Variants in STK10 observed in about 807,000 individuals in gnomAD.
The protein encoded by STK10 is serine/threonine-protein kinase 10.
STK10 carries 78 observed loss-of-function variants against 113.8 expected under a neutral mutation model. That is an observed-to-expected ratio of 0.69 (90% CI 0.57 to 0.83). The LOEUF is 0.83. Ranked by LOEUF, STK10 falls within the 40% of genes least tolerant of loss-of-function variation. The pLI, the probability that STK10 is intolerant of heterozygous loss-of-function variation, is 0.00. For synonymous variants in STK10, 465 were observed against 494.7 expected (o/e 0.94, Z 0.80); for missense variants, 1,109 against 1,280.1 (o/e 0.87, Z 2.04).
chr5:172,129,119 G>A (rs1769691294), intron 2 of STK10, among the ~76,000 whole-genome samples: 2 of 152,214 alleles, frequency 1.3e-5, no homozygotes, highest in South Asian at 4.1e-4. Context: ...GGCTGCTGAT[G>A]CTGTTGCTCT....
At chr5:172,149,694 C>T (rs1333195927) in intron 2 of STK10, among the ~76,000 whole-genome samples, 2 of 152,114 alleles carry the variant, frequency 1.3e-5, no homozygotes, top group African/African-American at 4.8e-5. Flanking sequence ...GACCACAGAT[C>T]CAGACTTCAG....
chr5:172,077,312 T>C (rs186547084), intron 12 of STK10, among the ~76,000 whole-genome samples: 4 of 152,216 alleles, frequency 2.6e-5, no homozygotes, highest in Non-Finnish European at 5.9e-5. Flanking sequence ...AACTATTTAA[T>C]AGCTAAATTC....
chr5:172,129,630 G>A (rs185474087), intron 2 of STK10, among the ~76,000 whole-genome samples: 1 of 152,228 alleles, frequency 6.6e-6, no homozygotes, highest in East Asian at 1.9e-4. Flanking sequence ...CAGTGGCAAG[G>A]GAACAGACAG....
intron 7 of STK10, among the ~76,000 whole-genome samples, chr5:172,099,520 G>T (rs576982757): frequency 6.6e-6 from 1 of 152,190 alleles, no homozygotes; most frequent in African/African-American, 2.4e-5. Flanking sequence ...CAGCCTGGGT[G>T]ACAAAGGGAG....
chr5:172,107,953 G>T, intron 4 of STK10, 101 bp from the exon 5 acceptor site: 1 of 936,154 alleles, frequency 1.1e-6, no homozygotes, highest in Non-Finnish European at 1.7e-6. Flanking sequence ...ACTAACAGAT[G>T]CCATTTTCTA....
intron 2 of STK10, among the ~76,000 whole-genome samples, chr5:172,138,391 G>T (rs1283370501): frequency 6.6e-6 from 1 of 151,978 alleles, no homozygotes; most frequent in South Asian, 2.1e-4. Flanking sequence ...CAAAGTGCTG[G>T]GATTACAGGC....
At chr5:172,155,497 C>CAA (rs59148440) in intron 2 of STK10, among the ~76,000 whole-genome samples, 3 of 92,760 alleles carry the variant, frequency 3.2e-5, no homozygotes, top group African/African-American at 7.7e-5. Context: ...GACTCCATCT[C>CAA]AAAAAAAAAA....
intron 18 of STK10, among the ~76,000 whole-genome samples, chr5:172,051,375 A>G (rs1767623857): frequency 6.6e-6 from 1 of 151,658 alleles, no homozygotes; most frequent in African/African-American, 2.4e-5. Context: ...CTGTAATCCC[A>G]GCACTTTGGG....
chr5:172,159,404 T>C, intron 1 of STK10, among the ~76,000 whole-genome samples: 1 of 152,030 alleles, frequency 6.6e-6, no homozygotes, highest in East Asian at 1.9e-4. Flanking sequence ...TAGCCAGGCA[T>C]GATGGCATGC....
chr5:172,167,320 A>G (rs1339943478), intron 1 of STK10, among the ~76,000 whole-genome samples: 1 of 152,228 alleles, frequency 6.6e-6, no homozygotes, highest in African/African-American at 2.4e-5. Flanking sequence ...ATAAACAAGA[A>G]GATAATACAG....
intron 2 of STK10, among the ~76,000 whole-genome samples, chr5:172,147,352 G>A (rs182741906): frequency 8.8e-4 from 134 of 151,934 alleles, no homozygotes; most frequent in African/African-American, 3.2e-3. Context: ...AAAAGTGCAC[G>A]GTCTAAACCC....
intron 4 of STK10, among the ~76,000 whole-genome samples, chr5:172,114,073 G>A (rs1007043513): frequency 2.0e-5 from 3 of 152,076 alleles, no homozygotes; most frequent in African/African-American, 7.2e-5. Flanking sequence ...CCATTTTACA[G>A]ATAAGGAAGC....
chr5:172,176,942 G>A (rs1395772218), intron 1 of STK10, among the ~76,000 whole-genome samples: 1 of 152,208 alleles, frequency 6.6e-6, no homozygotes, highest in Non-Finnish European at 1.5e-5. Context: ...GGGAGGCCGA[G>A]GCGAGTGGAT....
In STK10 at chr5:172,045,033, G is replaced by A. The variant is rs759480453; in HGVS notation, c.2767-11C>T. 1.2e-6 allele frequency: 2 copies of A among 1,613,766 alleles called. No individual in the cohort carries two copies. Among genetic ancestry groups the A allele is most frequent in the South Asian group, 1.1e-5 (1 of 91,082 alleles). ...ATCCTCTTCCAGAGCCTAGGGAAGAGAGAGGATGGATGGCACTTGGTGAGA... is the reference window on the plus strand; with the variant it reads ...ATCCTCTTCCAGAGCCTAGGGAAGAAAGAGGATGGATGGCACTTGGTGAGA... On this transcript the variant is annotated splice_polypyrimidine_tract_variant and intron_variant, in intron 18 of 18. Coordinates refer to ENST00000176763, the MANE Select transcript of STK10 (RefSeq NM_005990.4).
In STK10 at chr5:172,107,921, CAG is replaced by C. The variant is rs375532407; in HGVS notation, c.521-71_521-70del. 77 of 1,346,126 alleles carry C rather than the reference CAG, an allele frequency of 5.7e-5. No individual in the cohort carries two copies. In the East Asian group the frequency reaches 1.3e-3, roughly 22 times the overall value. 83.4% of individuals were successfully genotyped at this position (1,346,126 alleles called of 1,614,324 possible). A position where few individuals can be genotyped will look rare whatever the true frequency, so the allele number is the denominator to read the frequency against. ...GGGGTAAAAGCCGGGGATGTGGACT[CAG>C]GGGTACACATTCCAAGTCGACTAAC... On this transcript the variant is annotated intron_variant, in intron 4 of 18. Coordinates refer to ENST00000176763, the MANE Select transcript of STK10 (RefSeq NM_005990.4).
At chr5:172,183,178 G>A (rs925768882) in intron 1 of STK10, among the ~76,000 whole-genome samples, 5 of 152,178 alleles carry the variant, frequency 3.3e-5, no homozygotes, top group African/African-American at 7.2e-5. Flanking sequence ...CTGCACTCCA[G>A]TCCTTGAGAC....
chr5:172,053,034 C>T lies in STK10; in HGVS notation c.2661G>A (p.Lys887=). ...MSELQQLQNE[K]CHLLVEHETQ... ...TTTCGTGCTCTACCAGGAGGTGGCA[C>T]TTTTCATTCTGGAACAGATTCCAGG... The change falls in exon 18 of 19, where the codon AAG becomes AAA. Residue 887 remains lysine (K), a synonymous_variant. Transcript: ENST00000176763. 6.2e-7 allele frequency: 1 copy of T among 1,614,028 alleles called. No homozygotes were observed. The highest frequency in any genetic ancestry group is 8.5e-7 in the Non-Finnish European group (1 of 1,179,950).
chr5:172,092,790 T>A (rs1399568225), intron 9 of STK10: 2 of 152,268 alleles, frequency 1.3e-5, no homozygotes, highest in Non-Finnish European at 2.9e-5. Flanking sequence ...TCCAGCTCCC[T>A]AAGAAGGAGG....
rs1195655244 is a variant in STK10, at chr5:172,057,339, G to T, written c.2337+10C>A. On this transcript the variant is annotated intron_variant, in intron 15 of 18. Transcript: ENST00000176763. ...AGCAGATCCGAGCCCCGTGCCACCG[G>T]CAGCCTCACCTTCTCATGCTTGCGC... 6.3e-7 allele frequency: 1 copy of T among 1,579,620 alleles called. No individual in the cohort carries two copies. Among genetic ancestry groups the T allele is most frequent in the Non-Finnish European group, 8.6e-7 (1 of 1,163,914 alleles).
Sources: allele counts gnomAD v4.1 joint callset (sites outside exome capture counted in the v4.1 genomes callset), GRCh38; gene constraint gnomAD v4.1.1; transcripts MANE v1.5; gene names NCBI Gene and HGNC (gene_info 2026-07-23, HGNC 2026-07-21).